Variants in FGGY observed in about 807,000 individuals in gnomAD.
FGGY encodes the protein FGGY carbohydrate kinase domain-containing protein.
Under a neutral mutation model 71.3 loss-of-function variants are expected in FGGY, and 72 were observed. The ratio of observed to expected loss-of-function variants is 1.01; its 90% CI spans 0.84 to 1.23. FGGY has a LOEUF of 1.23. Among genes scored for constraint, FGGY ranks in the 50% most tolerant of loss-of-function variants. FGGY has a pLI of 0.00. For synonymous variants in FGGY, 251 were observed against 250.3 expected (o/e 1.00, Z -0.02); for missense variants, 668 against 682.3 (o/e 0.98, Z 0.23).
At chr1:59,369,095 C>T (rs911449709) in intron 4 of FGGY, among the ~76,000 whole-genome samples, 6 of 152,106 alleles carry the variant, frequency 3.9e-5, no homozygotes, top group East Asian at 1.9e-4. Context: ...GTGCGCAAGC[C>T]GAAGCAGGGC....
At chr1:59,533,877 G>T (rs372951597) in intron 7 of FGGY, among the ~76,000 whole-genome samples, 2 of 152,142 alleles carry the variant, frequency 1.3e-5, no homozygotes, top group East Asian at 3.9e-4. Context: ...CACAAAGATG[G>T]GGAAAAAACA....
chr1:59,660,166 C>G, intron 11 of FGGY, 53 bp from the exon 12 acceptor site: 1 of 1,487,018 alleles, frequency 6.7e-7, no homozygotes. Context: ...CTATCTTTAT[C>G]CACGGCAGCT....
intron 5 of FGGY, among the ~76,000 whole-genome samples, chr1:59,429,884 C>G (rs1458447283): frequency 6.6e-6 from 1 of 152,156 alleles, no homozygotes; most frequent in Non-Finnish European, 1.5e-5. Context: ...CTGAACTCAG[C>G]CCATAGTTCT....
At chr1:59,706,036 C>G (rs971600977) in intron 14 of FGGY, among the ~76,000 whole-genome samples, 1 of 152,158 alleles carries the variant, frequency 6.6e-6, no homozygotes, top group Non-Finnish European at 1.5e-5. Context: ...CCACAGTGGC[C>G]GACCCCTTTA....
At chr1:59,461,780 G>C (rs1432582854) in intron 6 of FGGY, among the ~76,000 whole-genome samples, 1 of 150,128 alleles carries the variant, frequency 6.7e-6, no homozygotes, top group Non-Finnish European at 1.5e-5. Context: ...CTTTTGTTTT[G>C]TTTTGTTTTG....
intron 10 of FGGY, among the ~76,000 whole-genome samples, chr1:59,628,450 A>G (rs2096879261): frequency 6.6e-6 from 1 of 152,238 alleles, no homozygotes; most frequent in Non-Finnish European, 1.5e-5. Flanking sequence ...AGGAGGTACT[A>G]CAGCTGTAAG....
chr1:59,586,160 G>GTA (rs753668869), intron 8 of FGGY, among the ~76,000 whole-genome samples: 45 of 152,174 alleles, frequency 3.0e-4, no homozygotes, highest in Non-Finnish European at 6.2e-4. Flanking sequence ...CCATCACTGG[G>GTA]TATATACGCA....
At chr1:59,399,753 T>C (rs977994438) in intron 5 of FGGY, among the ~76,000 whole-genome samples, 5 of 152,332 alleles carry the variant, frequency 3.3e-5, no homozygotes, top group African/African-American at 1.2e-4. Flanking sequence ...TAAAAGACAC[T>C]TCTTAAGAAT....
intron 14 of FGGY, among the ~76,000 whole-genome samples, chr1:59,715,488 G>A (rs2097839234): frequency 6.6e-6 from 1 of 152,130 alleles, no homozygotes; most frequent in Non-Finnish European, 1.5e-5. Flanking sequence ...GTTCCCCTTG[G>A]GTCAATGAAA....
chr1:59,590,906 C>G (rs945296805), intron 8 of FGGY, among the ~76,000 whole-genome samples: 84 of 152,264 alleles, frequency 5.5e-4, no homozygotes, highest in African/African-American at 1.8e-3. Context: ...TCTCACCACT[C>G]CTATTCAACA....
chr1:59,450,615 A>G (rs552737881), intron 5 of FGGY, among the ~76,000 whole-genome samples: 1 of 152,100 alleles, frequency 6.6e-6, no homozygotes, highest in Non-Finnish European at 1.5e-5. Flanking sequence ...TATAGTTTAC[A>G]TGTCTCTTCA....
At chr1:59,740,938 G>A (rs1438400124) in intron 14 of FGGY, among the ~76,000 whole-genome samples, 2 of 152,164 alleles carry the variant, frequency 1.3e-5, no homozygotes, top group Non-Finnish European at 2.9e-5. Context: ...ATAAAAGAAT[G>A]TAAAATATCT....
chr1:59,761,665 T>C (rs1365397538), intron 15 of FGGY, among the ~76,000 whole-genome samples: 3 of 152,174 alleles, frequency 2.0e-5, no homozygotes, highest in Admixed American at 2.0e-4. Flanking sequence ...TTCTAACAGG[T>C]CTAACCCAAA....
chr1:59,555,130 G>A (rs1454375664), intron 8 of FGGY, among the ~76,000 whole-genome samples: 1 of 152,168 alleles, frequency 6.6e-6, no homozygotes, highest in African/African-American at 2.4e-5. Flanking sequence ...ATCAATCCCT[G>A]CTCTTGTGCT....
intron 12 of FGGY, among the ~76,000 whole-genome samples, chr1:59,662,665 C>T (rs1297670320): frequency 2.0e-5 from 3 of 152,110 alleles, no homozygotes; most frequent in African/African-American, 7.2e-5. Context: ...TTCAGATACA[C>T]AAATATTTAC....
chr1:59,690,501 A>T (rs1216976162), intron 14 of FGGY, among the ~76,000 whole-genome samples: 1 of 151,826 alleles, frequency 6.6e-6, no homozygotes, highest in Non-Finnish European at 1.5e-5. Flanking sequence ...CCTTTGGGAA[A>T]CTCATCTTGG....
At chr1:59,528,212 T>A (rs2095045601) in intron 7 of FGGY, among the ~76,000 whole-genome samples, 1 of 152,230 alleles carries the variant, frequency 6.6e-6, no homozygotes, top group Non-Finnish European at 1.5e-5. Flanking sequence ...GACTGCATTT[T>A]AAATTTTTTG....
At chr1:59,646,319 T>C (rs1052794523) in intron 11 of FGGY, among the ~76,000 whole-genome samples, 6 of 144,914 alleles carry the variant, frequency 4.1e-5, no homozygotes, top group African/African-American at 1.5e-4. Context: ...TTATTCGGAC[T>C]TTTTTTTTAC....
chr1:59,710,511 A>G (rs2097786271), intron 14 of FGGY, among the ~76,000 whole-genome samples: 1 of 152,214 alleles, frequency 6.6e-6, no homozygotes, highest in South Asian at 2.1e-4. Flanking sequence ...TGAACAGGCA[A>G]CCTACAGAAG....
Sources: allele counts gnomAD v4.1 joint callset (sites outside exome capture counted in the v4.1 genomes callset), GRCh38; gene constraint gnomAD v4.1.1; transcripts MANE v1.5; gene names NCBI Gene and HGNC (gene_info 2026-07-23, HGNC 2026-07-21).